BEND3: variants seen among roughly 807,000 people sequenced by gnomAD.
BEND3 encodes BEN domain-containing protein 3.
In BEND3, 13 loss-of-function variants were observed where a neutral mutation model predicts 60.1. The observed-to-expected ratio is 0.22, with a 90% confidence interval of 0.14 to 0.34. The LOEUF is 0.34. Ranked by LOEUF, BEND3 falls within the 10% of genes least tolerant of loss-of-function variation. The pLI is 1.00. For synonymous variants in BEND3, 497 were observed against 491.5 expected (o/e 1.01, Z -0.15); for missense variants, 896 against 1,138.1 (o/e 0.79, Z 3.06).
intron 3 of BEND3, among the ~76,000 whole-genome samples, chr6:107,095,812 A>T (rs1775574310): frequency 6.6e-6 from 1 of 152,246 alleles, no homozygotes; most frequent in South Asian, 2.1e-4. Context: ...ACATTGTATG[A>T]TTCCAACTTC....
At chr6:107,100,988 G>A (rs953417993) in intron 1 of BEND3, among the ~76,000 whole-genome samples, 2 of 152,062 alleles carry the variant, frequency 1.3e-5, no homozygotes, top group African/African-American at 4.8e-5. Flanking sequence ...AATCACCTGG[G>A]GTCAGAAGTT....
intron 1 of BEND3, among the ~76,000 whole-genome samples, chr6:107,105,187 G>A (rs1290562601): frequency 6.6e-6 from 1 of 151,914 alleles, no homozygotes; most frequent in Non-Finnish European, 1.5e-5. Flanking sequence ...CCTGGCCAAC[G>A]TGGTGAAACC....
At chr6:107,099,337 GATTT>G in intron 1 of BEND3, 41 bp from the exon 2 acceptor site, 1 of 1,544,580 alleles carries the variant, frequency 6.5e-7, no homozygotes, top group Non-Finnish European at 8.9e-7. Flanking sequence ...CTTATTGCTT[GATTT>G]ATTTCTTAAT....
chr6:107,110,114 G>A (rs1775910830), intron 1 of BEND3, among the ~76,000 whole-genome samples: 1 of 151,910 alleles, frequency 6.6e-6, no homozygotes, highest in Admixed American at 6.6e-5. Context: ...CGGAAGCATT[G>A]CTTGAGCCTA....
intron 3 of BEND3, among the ~76,000 whole-genome samples, chr6:107,096,080 T>A (rs1554235888): frequency 6.6e-6 from 1 of 152,176 alleles, no homozygotes; most frequent in Non-Finnish European, 1.5e-5. Flanking sequence ...AATAAATGCA[T>A]CAATCTGGTA....
At position 107,069,946 on chromosome 6, in the gene BEND3, G is replaced by C. The variant is rs144011741; in HGVS notation, c.1245C>G (p.Leu415=). Residue 415 remains leucine (L), a synonymous_variant, in exon 4 of 4, where the codon CTC becomes CTG. Transcript: ENST00000369042. ...CGAAGAGCTCGGGGAAGAGCCGGTG[G>C]AGGAGGAAGACGGCAAACTCGCCTG... The part of the protein sequence containing the change: ...SSPGEFAVFL[L]HRLFPELFDH... The C allele has an allele frequency of 6.8e-6, 11 of 1,612,734 alleles. No homozygotes were observed. The highest frequency in any genetic ancestry group is 9.3e-6 in the Non-Finnish European group (11 of 1,179,754).
chr6:107,101,571 T>G (rs1176767857), intron 1 of BEND3, among the ~76,000 whole-genome samples: 3 of 152,180 alleles, frequency 2.0e-5, no homozygotes, highest in African/African-American at 7.2e-5. Flanking sequence ...CCAAGCCATC[T>G]CCTACCTGAA....
At chr6:107,079,893 T>C (rs1470400726) in intron 3 of BEND3, among the ~76,000 whole-genome samples, 3 of 151,838 alleles carry the variant, frequency 2.0e-5, no homozygotes, top group African/African-American at 4.8e-5. Flanking sequence ...GCTTCCTTTC[T>C]ACTTTTTTTT....
At chr6:107,113,768 A>T (rs548712029) in intron 1 of BEND3, 1 of 152,236 alleles carries the variant, frequency 6.6e-6, no homozygotes, top group East Asian at 1.9e-4. Context: ...GGTTTAAAAA[A>T]AAAAGAGAGA....
At chr6:107,107,426 T>TC (rs1375006678) in intron 1 of BEND3, among the ~76,000 whole-genome samples, 1 of 140,220 alleles carries the variant, frequency 7.1e-6, no homozygotes, top group Non-Finnish European at 1.5e-5. Flanking sequence ...TAAAGCTTCT[T>TC]TTTTTTTTTT....
At chr6:107,104,717 G>A (rs1775777334) in intron 1 of BEND3, among the ~76,000 whole-genome samples, 1 of 151,198 alleles carries the variant, frequency 6.6e-6, no homozygotes, top group Non-Finnish European at 1.5e-5. Context: ...CACCCAGGCT[G>A]CAGTGCAGTG....
In BEND3 at chr6:107,070,279, C is replaced by T. The variant is rs782350289; in HGVS notation, c.912G>A (p.Leu304=). 6.2e-6 allele frequency: 10 copies of T among 1,613,056 alleles called. No individual in the cohort carries two copies. The South Asian group carries it at 9.9e-5, about 16-fold the overall frequency. The change falls in exon 4 of 4, where the codon CTG becomes CTA. Residue 304 remains leucine, a synonymous_variant. Transcript: ENST00000369042. The surrounding 1 kb of genome is among the most constrained non-coding windows in gnomAD (Gnocchi z 6.9). ...CCTCCACATAGTTGCGGATGAGCTG[C>T]AGGTGCAGCGACTCCAGCTTGCGCT... The part of the protein sequence containing the change: ...AAKRKLESLH[L]QLIRNYVEVY...
At chr6:107,083,536 C>A (rs311224) in intron 3 of BEND3, among the ~76,000 whole-genome samples, 47,856 of 151,758 alleles carry the variant, frequency 0.32, 7,758 homozygotes, top group Admixed American at 0.39. Flanking sequence ...ATTTGGGAGG[C>A]TGAGGTGGGA....
Position 107,088,007 on chromosome 6 carries a change from C to CT in BEND3, c.240+10543dup, listed in dbSNP as rs374298071. ...AACACTGTAATAGAAATGAAGAGCC[C>CT]TTTTTTTTTTTTTTTTAGAGACAGG... On this transcript the variant is annotated intron_variant, in intron 3 of 3. Transcript: ENST00000369042. Among the ~76,000 whole-genome samples the CT allele has an allele frequency of 9.7e-3, 1,267 of 130,296 alleles. 12 individuals carry two copies. Among genetic ancestry groups the CT allele is most frequent in the African/African-American group, 0.025 (857 of 34,606 alleles). The allele number at this position is 130,296 out of a possible 152,430, so 85.5% of individuals were successfully genotyped here.
chr6:107,086,355 G>A (rs1302618344), intron 3 of BEND3, among the ~76,000 whole-genome samples: 1 of 152,116 alleles, frequency 6.6e-6, no homozygotes, highest in Non-Finnish European at 1.5e-5. Context: ...CCAGGCGCAT[G>A]TTGGTAATCC....
chr6:107,073,609 A>G (rs1254262436), intron 3 of BEND3, among the ~76,000 whole-genome samples: 1 of 152,114 alleles, frequency 6.6e-6, no homozygotes, highest in Non-Finnish European at 1.5e-5. Context: ...CATGCTTAAG[A>G]AAAGTGAGGC....
chr6:107,092,771 G>A (rs1775503697), intron 3 of BEND3, among the ~76,000 whole-genome samples: 2 of 152,212 alleles, frequency 1.3e-5, no homozygotes, highest in African/African-American at 2.4e-5. Context: ...AGCAATTATA[G>A]GAAGGTTGTA....
intron 1 of BEND3, among the ~76,000 whole-genome samples, chr6:107,106,942 T>TTC (rs201341202): frequency 1.3e-5 from 2 of 149,742 alleles, no homozygotes; most frequent in African/African-American, 5.0e-5. Context: ...AGGGCTTTTT[T>TTC]TTTTTTTTTT....
intron 1 of BEND3, among the ~76,000 whole-genome samples, chr6:107,112,319 C>A (rs2115042808): frequency 6.6e-6 from 1 of 152,280 alleles, no homozygotes; most frequent in East Asian, 1.9e-4. Context: ...GGACATTCTG[C>A]TATGCTTCTG....
Sources: allele counts gnomAD v4.1 joint callset (sites outside exome capture counted in the v4.1 genomes callset), GRCh38; gene constraint gnomAD v4.1.1; non-coding constraint Gnocchi (gnomAD v3.1); transcripts MANE v1.5; gene names NCBI Gene and HGNC (gene_info 2026-07-23, HGNC 2026-07-21).